Variants in ZSCAN25 observed in about 807,000 individuals in gnomAD.
ZSCAN25 encodes the protein zinc finger and SCAN domain containing 25, also known as zinc finger and SCAN domain-containing protein 25.
Under a neutral mutation model 38.7 loss-of-function variants are expected in ZSCAN25, and 27 were observed. That is an observed-to-expected ratio of 0.70 (90% CI 0.51 to 0.96). The LOEUF is 0.96. Ranked by LOEUF, ZSCAN25 falls within the 40% of genes least tolerant of loss-of-function variation. ZSCAN25 has a pLI of 0.00. For missense variants in ZSCAN25, 637 were observed against 705.9 expected (o/e 0.90, Z 1.11); for synonymous variants, 273 against 277.7 (o/e 0.98, Z 0.17).
chr7:99,680,741 C>T, the ZSCAN25 span, among the ~76,000 whole-genome samples: 1 of 152,158 alleles, frequency 6.6e-6, no homozygotes, highest in Non-Finnish European at 1.5e-5. Flanking sequence ...TGTGTCCCAA[C>T]TAATAAAGTT....
chr7:99,687,564 T>C, the ZSCAN25 span, among the ~76,000 whole-genome samples: 1 of 152,106 alleles, frequency 6.6e-6, no homozygotes, highest in African/African-American at 2.4e-5. Flanking sequence ...CTGAAAGCGA[T>C]GGGGAGAATG....
At chr7:99,621,085 T>C (rs1445136975) in intron 4 of ZSCAN25, 6 of 260,582 alleles carry the variant, frequency 2.3e-5, no homozygotes, top group Non-Finnish European at 3.6e-5. Context: ...GAGTATATTG[T>C]GTTAAAATCC....
At chr7:99,624,256 G>T (rs1584355401) in intron 7 of ZSCAN25, 76 bp downstream of exon 7, 1 of 1,595,710 alleles carries the variant, frequency 6.3e-7, no homozygotes, top group South Asian at 1.1e-5. Flanking sequence ...CCGTAGCTCT[G>T]GCGCTCCTGG....
chr7:99,653,521 C>T, the ZSCAN25 span, among the ~76,000 whole-genome samples: 2 of 151,914 alleles, frequency 1.3e-5, no homozygotes, highest in African/African-American at 2.4e-5. This position sits in a 1 kb window ranked among gnomAD's most constrained non-coding sequence, Gnocchi z 4.2. Context: ...ATCACAAATA[C>T]GACAAAATAA....
chr7:99,658,545 T>G, the ZSCAN25 span, among the ~76,000 whole-genome samples: 1 of 152,282 alleles, frequency 6.6e-6, no homozygotes, highest in Non-Finnish European at 1.5e-5. Context: ...TTGGTGAATC[T>G]GACAATTATG....
At chr7:99,625,268 G>A (rs576723108) in intron 7 of ZSCAN25, among the ~76,000 whole-genome samples, 54 of 152,304 alleles carry the variant, frequency 3.5e-4, no homozygotes, top group African/African-American at 1.2e-3. Flanking sequence ...GGTAGTGTTA[G>A]ATTGTTTAGT....
chr7:99,629,251 T>C lies in ZSCAN25; in HGVS notation c.866T>C (p.Val289Ala). Reference sequence around the variant, plus strand: ...CAGGAAGACCTGAAAGGGGCGCTGGTGGCACTGACATCAGAGAGGTTTGGG... The same window carrying C: ...CAGGAAGACCTGAAAGGGGCGCTGGCGGCACTGACATCAGAGAGGTTTGGG... ...PPQEDLKGAL[V>A]ALTSERFGEA... Residue 289 changes from valine to alanine, a missense_variant, in exon 8 of 8, where the codon GTG becomes GCG. Physicochemically the swap from Val to Ala is moderately conservative, Grantham distance 64. Coordinates refer to ENST00000394152, the MANE Select transcript of ZSCAN25 (RefSeq NM_145115.3). The surrounding 1 kb of genome is among the most constrained non-coding windows in gnomAD (Gnocchi z 5.6). 6.2e-7 allele frequency: 1 copy of C among 1,614,084 alleles called. No homozygotes were observed.
At chr7:99,664,197 TGA>T in the ZSCAN25 span, 1 of 1,026,494 alleles carries the variant, frequency 9.7e-7, no homozygotes, top group Non-Finnish European at 1.5e-6. Context: ...AAGAACATCA[TGA>T]TTCTCAACTG....
intron 6 of ZSCAN25, among the ~76,000 whole-genome samples, chr7:99,622,947 C>T (rs1807120136): frequency 6.6e-6 from 1 of 152,228 alleles, no homozygotes; most frequent in Admixed American, 6.5e-5. Context: ...GCTGGGACTA[C>T]AGGCACCTGC....
chr7:99,645,777 T>G, the ZSCAN25 span, among the ~76,000 whole-genome samples: 4 of 152,240 alleles, frequency 2.6e-5, no homozygotes, highest in Non-Finnish European at 5.9e-5. Context: ...TCTGTTCATG[T>G]CCATTGCCCA....
intron 5 of ZSCAN25, 117 bp from the exon 6 acceptor site, chr7:99,622,432 C>T: frequency 2.2e-6 from 2 of 919,144 alleles, no homozygotes. Context: ...GGGATTCTGT[C>T]TGGAGTCTTC....
In ZSCAN25 at chr7:99,619,849, C is replaced by G; in HGVS notation, c.243C>G (p.Ile81Met). 6.2e-7 allele frequency: 1 copy of G among 1,614,216 alleles called. No homozygotes were observed. Among genetic ancestry groups the G allele is most frequent in the Non-Finnish European group, 8.5e-7 (1 of 1,180,038 alleles). Residue 81 changes from isoleucine (I) to methionine (M), a missense_variant, in exon 4 of 8, where the codon ATC becomes ATG. Ile to Met is a conservative substitution (Grantham distance 10, BLOSUM62 1). Transcript: ENST00000394152. The stretch of plus-strand genomic sequence containing the variant: ...CCGAGTTGCACACCAAGGAGCAGAT[C>G]CTGGAGCTGCTGGTGCTGGAGCAGT... ...LRPELHTKEQ[I>M]LELLVLEQFL...
At chr7:99,717,786 G>A in the ZSCAN25 span, 2 of 1,079,888 alleles carry the variant, frequency 1.9e-6, no homozygotes, top group Non-Finnish European at 2.7e-6. Context: ...ATGCTCAATA[G>A]GATTTATCCC....
chr7:99,622,343 A>G, intron 5 of ZSCAN25: 1 of 602,160 alleles, frequency 1.7e-6, no homozygotes, highest in Non-Finnish European at 3.0e-6. Context: ...AGAACAGGAG[A>G]CACCCAGGCC....
the ZSCAN25 span, among the ~76,000 whole-genome samples, chr7:99,711,801 A>AC: frequency 4.0e-5 from 6 of 150,690 alleles, no homozygotes; most frequent in Non-Finnish European, 7.4e-5. Flanking sequence ...AACAACAACA[A>AC]AAACAGAAAT....
At chr7:99,679,945 A>T in the ZSCAN25 span, 2 of 1,536,980 alleles carry the variant, frequency 1.3e-6, no homozygotes, top group African/African-American at 2.7e-5. Flanking sequence ...CTTTTAGCTG[A>T]GTGCTGCTGT....
At chr7:99,642,036 G>T in the ZSCAN25 span, among the ~76,000 whole-genome samples, 1 of 152,152 alleles carries the variant, frequency 6.6e-6, no homozygotes, top group Non-Finnish European at 1.5e-5. Context: ...TGCCAGGCAC[G>T]CTCCCAGTTT....
At position 99,631,526 on chromosome 7, in the gene ZSCAN25, G is replaced by C; in HGVS notation, c.*1506G>C. 1 of 985,524 alleles carries C rather than the reference G, an allele frequency of 1.0e-6. No homozygotes were observed. Among genetic ancestry groups the C allele is most frequent in the Non-Finnish European group, 1.2e-6 (1 of 829,940 alleles). The allele number at this position is 985,524 out of a possible 1,614,324, so 61.0% of individuals were successfully genotyped here. ...TGCTGTGCCTTTGAACCCTGGCTGA[G>C]TGAGTGAGTTTGTCCTTTGTTGATA... On this transcript the variant is annotated 3_prime_UTR_variant, in exon 8 of 8. Coordinates refer to ENST00000394152, the MANE Select transcript of ZSCAN25 (RefSeq NM_145115.3).
At chr7:99,685,169 A>T in the ZSCAN25 span, 1 of 1,611,892 alleles carries the variant, frequency 6.2e-7, no homozygotes, top group Non-Finnish European at 8.5e-7. Context: ...CCATCCCTTG[A>T]CTCAACCTTT....
Sources: allele counts gnomAD v4.1 joint callset (sites outside exome capture counted in the v4.1 genomes callset), GRCh38; gene constraint gnomAD v4.1.1; non-coding constraint Gnocchi (gnomAD v3.1); transcripts MANE v1.5; gene names NCBI Gene and HGNC (gene_info 2026-07-23, HGNC 2026-07-21).